The following NUP210 variants were observed in gnomAD, a reference collection of about 807,000 sequenced individuals.
The protein encoded by NUP210 is nucleoporin 210, also known as nuclear pore membrane glycoprotein 210.
A neutral mutation model predicts 196.0 loss-of-function variants in NUP210; 151 were observed. The ratio of observed to expected loss-of-function variants is 0.77; its 90% CI spans 0.67 to 0.88. The LOEUF (loss-of-function observed/expected upper bound fraction) is 0.88. NUP210 is among the 40% of genes least tolerant of loss of function. The pLI is 0.00. For synonymous variants in NUP210, 1,070 were observed against 1,052.7 expected (o/e 1.02, Z -0.32); for missense variants, 2,314 against 2,493.7 (o/e 0.93, Z 1.53).
chr3:13,347,372 G>A lies in NUP210; in HGVS notation c.2836-4069C>T. The A allele has an allele frequency of 1.0e-6, 1 of 972,016 alleles. No individual in the cohort carries two copies. The highest frequency in any genetic ancestry group is 1.2e-6 in the Non-Finnish European group (1 of 817,730). The allele number at this position is 972,016 out of a possible 1,614,324, so 60.2% of individuals were successfully genotyped here. On this transcript the variant is annotated intron_variant, in intron 20 of 39. Coordinates refer to ENST00000254508, the MANE Select transcript of NUP210 (RefSeq NM_024923.4). This position sits in a 1 kb window ranked among gnomAD's most constrained non-coding sequence, Gnocchi z 4.7. Reference sequence around the variant, plus strand: ...CTCATGGGTTCCGCCTAGAGGACTTGATTGAAATGTAAAGAATCGTTGAAA... The same window carrying A: ...CTCATGGGTTCCGCCTAGAGGACTTAATTGAAATGTAAAGAATCGTTGAAA...
intron 1 of NUP210, among the ~76,000 whole-genome samples, chr3:13,413,168 G>A (rs1700232686): frequency 6.6e-6 from 1 of 151,648 alleles, no homozygotes; most frequent in Non-Finnish European, 1.5e-5. Context: ...AGGAGGATGA[G>A]GCAGAAGAAT....
At chr3:13,377,353 G>T in intron 9 of NUP210, 103 bp downstream of exon 9, 2 of 803,052 alleles carry the variant, frequency 2.5e-6, no homozygotes, top group Non-Finnish European at 4.2e-6. Context: ...TCCTCGGTCA[G>T]CCTGCATGGG....
intron 36 of NUP210, 53 bp from the exon 37 acceptor site, chr3:13,320,032 C>T: frequency 6.5e-7 from 1 of 1,537,282 alleles, no homozygotes; most frequent in Non-Finnish European, 8.9e-7. Context: ...GGGGGGACCA[C>T]TGAGCGGGGC....
intron 13 of NUP210, 148 bp downstream of exon 13, chr3:13,371,686 T>C (rs1202970181): frequency 1.4e-6 from 1 of 721,990 alleles, no homozygotes; most frequent in East Asian, 2.7e-5. Flanking sequence ...GAACAGACTG[T>C]GGATCAGGAG....
intron 1 of NUP210, among the ~76,000 whole-genome samples, chr3:13,412,226 C>CTTTTAT (rs1315087590): frequency 1.4e-5 from 1 of 70,888 alleles, no homozygotes. Context: ...CTTTATTTTC[C>CTTTTAT]TTTTCTTTTT....
At chr3:13,352,544 T>A (rs967096301) in intron 18 of NUP210, among the ~76,000 whole-genome samples, 1 of 152,190 alleles carries the variant, frequency 6.6e-6, no homozygotes, top group South Asian at 2.1e-4. Context: ...AGGCCAGGCA[T>A]CGGGGGAGGG....
At position 13,348,977 on chromosome 3, in the gene NUP210, C is replaced by T. The variant is rs777159182; in HGVS notation, c.2835+2902G>A. ...TCTCTTGAAAATCAGAAGCTCTTGC[C>T]TCACAGGCCCACACCCCCACACATC... On this transcript the variant is annotated intron_variant, in intron 20 of 39. Coordinates refer to ENST00000254508, the MANE Select transcript of NUP210 (RefSeq NM_024923.4). This position sits in a 1 kb window ranked among gnomAD's most constrained non-coding sequence, Gnocchi z 4.0. 3.2e-4 allele frequency: 278 copies of T among 873,906 alleles called. No homozygotes were observed. The highest frequency in any genetic ancestry group is 3.7e-4 in the Non-Finnish European group (271 of 728,248). The allele number at this position is 873,906 out of a possible 1,614,324, so 54.1% of individuals were successfully genotyped here.
Position 13,357,555 on chromosome 3 carries a change from C to T in NUP210, c.2328+667G>A, listed in dbSNP as rs1377773819. ...GGAGTGAGGAGCTGCTCACCCACCT[C>T]CTCTGAAAAGGGGCTGGGGGCTGAT... is the stretch of plus-strand genomic sequence containing the variant. On this transcript the variant is annotated intron_variant, in intron 16 of 39. Transcript: ENST00000254508. 6.6e-5 allele frequency among the ~76,000 whole-genome samples: 10 copies of T among 152,300 alleles called. No individual in the cohort carries two copies. The East Asian group carries it at 1.2e-3, about 18-fold the overall frequency.
Position 13,347,964 on chromosome 3 carries a change from C to T in NUP210, c.2835+3915G>A, listed in dbSNP as rs1355540296. Among the ~76,000 whole-genome samples the T allele has an allele frequency of 6.6e-6, 1 of 152,222 alleles. No homozygotes were observed. Among genetic ancestry groups the T allele is most frequent in the African/African-American group, 2.4e-5 (1 of 41,468 alleles). On this transcript the variant is annotated intron_variant, in intron 20 of 39. Coordinates refer to ENST00000254508, the MANE Select transcript of NUP210 (RefSeq NM_024923.4). The surrounding 1 kb of genome is among the most constrained non-coding windows in gnomAD (Gnocchi z 4.7). ...GGCAGGGCGCCTCCATGGAAGGAAA[C>T]TTCTGGACCAGAGCAGTTCGCAGGG...
In NUP210 at chr3:13,379,870, A is replaced by G. The variant is rs1045110070; in HGVS notation, c.818-149T>C. ...TTTCTTAATTGTTTTCAGTGCTTTA[A>G]ATGTTAATATTGTTCTGCATGCTGG... On this transcript the variant is annotated intron_variant, in intron 6 of 39. Transcript: ENST00000254508. The surrounding 1 kb of genome is among the most constrained non-coding windows in gnomAD (Gnocchi z 4.2). 2 of 624,036 alleles carry G rather than the reference A, an allele frequency of 3.2e-6. No homozygotes were observed. Among genetic ancestry groups the G allele is most frequent in the Non-Finnish European group, 5.2e-6 (2 of 384,960 alleles). 38.7% of individuals were successfully genotyped at this position (624,036 alleles called of 1,614,324 possible). A position where few individuals can be genotyped will look rare whatever the true frequency, so the allele number is the denominator to read the frequency against.
At position 13,375,701 on chromosome 3, in the gene NUP210, C is replaced by T. The variant is rs1345079227; in HGVS notation, c.1294-60G>A. ...CAACCATGTCATCATCAGTCTTTCC[C>T]AGTCACCGGACCCCCACCCCTCCCT... is the stretch of plus-strand genomic sequence containing the variant. On this transcript the variant is annotated intron_variant, in intron 10 of 39. Coordinates refer to ENST00000254508, the MANE Select transcript of NUP210 (RefSeq NM_024923.4). 6 of 1,559,932 alleles carry T rather than the reference C, an allele frequency of 3.8e-6. No individual in the cohort carries two copies. The Admixed American group carries it at 1.0e-4, about 27-fold the overall frequency.
At chr3:13,351,077 A>C (rs1450149709) in intron 20 of NUP210, among the ~76,000 whole-genome samples, 1 of 152,240 alleles carries the variant, frequency 6.6e-6, no homozygotes, top group Non-Finnish European at 1.5e-5. Context: ...TAAACTGGCA[A>C]AAGAAAGCAT....
At chr3:13,406,713 T>A (rs972485742) in intron 1 of NUP210, among the ~76,000 whole-genome samples, 1 of 152,198 alleles carries the variant, frequency 6.6e-6, no homozygotes, top group Non-Finnish European at 1.5e-5. Context: ...CCAGTCTAAA[T>A]GAATAGCCAC....
rs77849702 is a variant in NUP210, at chr3:13,391,451, A to G, written c.437-144T>C. ...CAGGTGTCATAAACTGTATGTCAGGAGAGGAAACTGAGGCTGAAAGGAATG... is the reference window on the plus strand; with the variant it reads ...CAGGTGTCATAAACTGTATGTCAGGGGAGGAAACTGAGGCTGAAAGGAATG... On this transcript the variant is annotated intron_variant, in intron 3 of 39. Coordinates refer to ENST00000254508, the MANE Select transcript of NUP210 (RefSeq NM_024923.4). 2.8e-4 allele frequency: 176 copies of G among 639,220 alleles called. 1 individual carries two copies. The East Asian group carries it at 4.7e-3, about 17-fold the overall frequency. 39.6% of individuals were successfully genotyped at this position (639,220 alleles called of 1,614,324 possible).
chr3:13,374,179 AC>A (rs1021837839), intron 11 of NUP210, among the ~76,000 whole-genome samples: 3 of 151,560 alleles, frequency 2.0e-5, no homozygotes, highest in Non-Finnish European at 4.4e-5. Context: ...CACCACTCAC[AC>A]CCACAGTGCA....
intron 1 of NUP210, among the ~76,000 whole-genome samples, chr3:13,405,063 G>C: frequency 6.6e-6 from 1 of 152,296 alleles, no homozygotes; most frequent in Non-Finnish European, 1.5e-5. Flanking sequence ...CTGGTGGAGT[G>C]TGAGGATTAA....
At chr3:13,368,125 G>C (rs1409917442) in intron 13 of NUP210, among the ~76,000 whole-genome samples, 1 of 151,988 alleles carries the variant, frequency 6.6e-6, no homozygotes, top group Non-Finnish European at 1.5e-5. Flanking sequence ...GCCCAGGCTG[G>C]AGTGCAGTGG....
intron 11 of NUP210, among the ~76,000 whole-genome samples, chr3:13,374,624 A>G (rs758509135): frequency 3.9e-5 from 6 of 152,212 alleles, no homozygotes; most frequent in Non-Finnish European, 5.9e-5. Flanking sequence ...GGCACCTCCC[A>G]GAGCTCAGGC....
Position 13,340,469 on chromosome 3 carries a change from C to T in NUP210, c.3229-171G>A, listed in dbSNP as rs1162967666. On this transcript the variant is annotated intron_variant, in intron 23 of 39. Transcript: ENST00000254508. The surrounding 1 kb of genome is among the most constrained non-coding windows in gnomAD (Gnocchi z 4.0). ...CTGGGCCAATGCTGGGGGCTGTCTC[C>T]CAGCCACTGGCCGAGGCTCCCTGGT... 6.6e-6 allele frequency among the ~76,000 whole-genome samples: 1 copy of T among 152,164 alleles called. No homozygotes were observed. Among genetic ancestry groups the T allele is most frequent in the Non-Finnish European group, 1.5e-5 (1 of 68,002 alleles).
Sources: allele counts gnomAD v4.1 joint callset (sites outside exome capture counted in the v4.1 genomes callset), GRCh38; gene constraint gnomAD v4.1.1; non-coding constraint Gnocchi (gnomAD v3.1); transcripts MANE v1.5; gene names NCBI Gene and HGNC (gene_info 2026-07-23, HGNC 2026-07-21).